ELMO1: variants seen among roughly 807,000 people sequenced by gnomAD.
The protein encoded by ELMO1 is engulfment and cell motility 1, also known as engulfment and cell motility protein 1.
ELMO1 carries 26 observed loss-of-function variants against 98.9 expected under a neutral mutation model. The observed-to-expected ratio is 0.26, with a 90% CI of 0.19 to 0.36. The LOEUF is 0.36. Ranked by LOEUF, ELMO1 falls within the 10% of genes least tolerant of loss-of-function variation. ELMO1 has a pLI of 1.00. For synonymous variants in ELMO1, 346 were observed against 346.0 expected (o/e 1.00, Z 0.00); for missense variants, 627 against 935.2 (o/e 0.67, Z 4.30).
chr7:36,912,994 A>C (rs1738939478), intron 16 of ELMO1, among the ~76,000 whole-genome samples: 1 of 152,162 alleles, frequency 6.6e-6, no homozygotes. Context: ...AAAGGATCTC[A>C]AAGTCAAGAT....
intron 16 of ELMO1, among the ~76,000 whole-genome samples, chr7:36,972,935 C>T (rs1790104035): frequency 6.6e-6 from 1 of 152,086 alleles, no homozygotes; most frequent in Admixed American, 6.5e-5. Context: ...CGCCCACCAC[C>T]ACACCCAGCT....
chr7:37,076,178 T>G (rs1797570348), intron 15 of ELMO1, among the ~76,000 whole-genome samples: 1 of 152,236 alleles, frequency 6.6e-6, no homozygotes. Context: ...TACCCCCTGA[T>G]GAGTCACTAT....
At chr7:37,357,329 T>C (rs1215694491) in intron 1 of ELMO1, among the ~76,000 whole-genome samples, 1 of 152,296 alleles carries the variant, frequency 6.6e-6, no homozygotes, top group East Asian at 1.9e-4. Flanking sequence ...GCCCATATGA[T>C]GGTTGAACAC....
intron 17 of ELMO1, among the ~76,000 whole-genome samples, chr7:36,892,029 A>G (rs989734795): frequency 1.3e-5 from 2 of 152,258 alleles, no homozygotes; most frequent in Non-Finnish European, 2.9e-5. Flanking sequence ...TGAAACAATT[A>G]GTCAAGAGCT....
At chr7:37,196,723 A>G (rs1791984540) in intron 13 of ELMO1, among the ~76,000 whole-genome samples, 1 of 152,198 alleles carries the variant, frequency 6.6e-6, no homozygotes, top group South Asian at 2.1e-4. Flanking sequence ...AAGTCTGCAT[A>G]TGTCTCCTTG....
intron 14 of ELMO1, among the ~76,000 whole-genome samples, chr7:37,097,478 G>T (rs1784421796): frequency 6.6e-6 from 1 of 152,180 alleles, no homozygotes; most frequent in South Asian, 2.1e-4. Flanking sequence ...CAGCTAGGGG[G>T]CAGGCTGAGG....
chr7:37,025,386 G>A lies in ELMO1; in HGVS notation c.1301-11951C>T, dbSNP rs192532819. Among the ~76,000 whole-genome samples, 1,028 of 152,274 alleles carry A rather than the reference G, an allele frequency of 6.8e-3. 46 individuals carry two copies. Among genetic ancestry groups the A allele is most frequent in the Admixed American group, 0.06 (918 of 15,288 alleles). On this transcript the variant is annotated intron_variant, in intron 15 of 21. Transcript: ENST00000310758. ...CATAGGGAGATGTAGCTAATTCTATGCATCAACCTGACTGGGCCAATGGGT... is the reference window on the plus strand; with the variant it reads ...CATAGGGAGATGTAGCTAATTCTATACATCAACCTGACTGGGCCAATGGGT...
chr7:36,860,692 A>G (rs1404086431), intron 21 of ELMO1, among the ~76,000 whole-genome samples: 2 of 152,238 alleles, frequency 1.3e-5, no homozygotes, highest in African/African-American at 4.8e-5. Context: ...AAAAACAGAA[A>G]CAGTAGAACA....
intron 4 of ELMO1, among the ~76,000 whole-genome samples, chr7:37,289,966 C>T (rs1797591332): frequency 6.6e-6 from 1 of 152,190 alleles, no homozygotes; most frequent in African/African-American, 2.4e-5. Context: ...GGCCTTGCCT[C>T]CAGATCTGTT....
intron 13 of ELMO1, among the ~76,000 whole-genome samples, chr7:37,203,607 G>A (rs567020554): frequency 2.6e-5 from 4 of 152,144 alleles, no homozygotes; most frequent in Non-Finnish European, 5.9e-5. Context: ...GTTTATACTA[G>A]AAATAATTCT....
chr7:37,385,252 C>G (rs80300554), intron 1 of ELMO1, among the ~76,000 whole-genome samples: 1 of 152,354 alleles, frequency 6.6e-6, no homozygotes, highest in East Asian at 1.9e-4. Context: ...CACCCTATCA[C>G]GTTTAGAAAA....
rs140895541 is a variant in ELMO1 at position 37,424,317 on chromosome 7, T to C, written c.-74+24358A>G. Among the ~76,000 whole-genome samples the C allele has an allele frequency of 2.6e-4, 39 of 152,336 alleles. No homozygotes were observed. In the East Asian group the frequency reaches 6.4e-3, roughly 25 times the overall value. ...TCATACTGTACGAACATTAGCCAGT[T>C]TTCCTATGCTAGAAACAAATAATGC... On this transcript the variant is annotated intron_variant, in intron 1 of 21. Coordinates refer to ENST00000310758, the MANE Select transcript of ELMO1 (RefSeq NM_014800.11).
At chr7:37,036,216 A>T (rs1392361686) in intron 15 of ELMO1, among the ~76,000 whole-genome samples, 2 of 152,164 alleles carry the variant, frequency 1.3e-5, no homozygotes, top group African/African-American at 4.8e-5. Flanking sequence ...ATTTATTGAA[A>T]AAAAAAACCA....
intron 1 of ELMO1, among the ~76,000 whole-genome samples, chr7:37,368,564 T>C (rs1237602967): frequency 6.6e-6 from 1 of 152,188 alleles, no homozygotes; most frequent in African/African-American, 2.4e-5. Flanking sequence ...CTCTTTGGAA[T>C]TTCTTAAGAC....
At position 37,000,207 on chromosome 7, in the gene ELMO1, G is replaced by A. The variant is rs1015305226; in HGVS notation, c.1437+13092C>T. Among the ~76,000 whole-genome samples the A allele has an allele frequency of 3.9e-5, 6 of 152,326 alleles. No homozygotes were observed. The South Asian group carries it at 6.2e-4, about 16-fold the overall frequency. ...TAGGAAAAGCATCTCTGTGTGATGC[G>A]TGGGTCTTTTCCTTTTCTACTTCTG... is the stretch of plus-strand genomic sequence containing the variant. On this transcript the variant is annotated intron_variant, in intron 16 of 21. Coordinates refer to ENST00000310758, the MANE Select transcript of ELMO1 (RefSeq NM_014800.11).
rs146107238 is a variant in ELMO1 at position 37,372,811 on chromosome 7, C to T, written c.-73-30048G>A. Among the ~76,000 whole-genome samples, 12 of 152,344 alleles carry T rather than the reference C, an allele frequency of 7.9e-5. No homozygotes were observed. The East Asian group carries it at 2.3e-3, about 29-fold the overall frequency. On this transcript the variant is annotated intron_variant, in intron 1 of 21. Coordinates refer to ENST00000310758, the MANE Select transcript of ELMO1 (RefSeq NM_014800.11). ...ATTAATACCTCACTCATTAGGGGAT[C>T]TGGCAATTGGTGCTTCTCAACATAC...
At chr7:37,197,724 A>G (rs1792056160) in intron 13 of ELMO1, among the ~76,000 whole-genome samples, 1 of 152,158 alleles carries the variant, frequency 6.6e-6, no homozygotes, top group Non-Finnish European at 1.5e-5. Flanking sequence ...ACCCCAGAAT[A>G]ACCAGCATGA....
chr7:36,864,908 A>G (rs1802912854), intron 20 of ELMO1, among the ~76,000 whole-genome samples: 1 of 152,206 alleles, frequency 6.6e-6, no homozygotes, highest in Non-Finnish European at 1.5e-5. Context: ...AGGAAGCCTG[A>G]GTCCTAGGGA....
intron 16 of ELMO1, among the ~76,000 whole-genome samples, chr7:36,956,700 T>C (rs1281380249): frequency 6.6e-6 from 1 of 152,228 alleles, no homozygotes; most frequent in Non-Finnish European, 1.5e-5. Flanking sequence ...GAAAAAGACT[T>C]TCATAAAAAA....
Sources: gnomAD v4.1 joint callset for allele counts (sites outside exome capture counted in the v4.1 genomes callset) on GRCh38, gnomAD v4.1.1 for gene constraint, MANE v1.5 for transcripts, NCBI Gene and HGNC (gene_info 2026-07-23, HGNC 2026-07-21) for gene names.